The following PLOD1 variants were observed in gnomAD, a reference collection of about 807,000 sequenced individuals.
The protein encoded by PLOD1 is procollagen-lysine,2-oxoglutarate 5-dioxygenase 1, also known as lysine hydroxylase.
PLOD1 carries 70 observed loss-of-function variants against 94.7 expected under a neutral mutation model. That is an observed-to-expected ratio of 0.74 (90% confidence interval 0.61 to 0.90). The LOEUF (loss-of-function observed/expected upper bound fraction) is 0.90. Among genes scored for constraint, PLOD1 ranks in the 40% least tolerant of loss-of-function variants. The pLI, the probability that PLOD1 is intolerant of heterozygous loss-of-function variation, is 0.00. For synonymous variants in PLOD1, 417 were observed against 400.2 expected (o/e 1.04, Z -0.50); for missense variants, 905 against 972.7 (o/e 0.93, Z 0.93).
chr1:11,947,608 A>G (rs1329394763), intron 1 of PLOD1, among the ~76,000 whole-genome samples: 3 of 152,294 alleles, frequency 2.0e-5, no homozygotes, highest in African/African-American at 4.8e-5. Flanking sequence ...ATGAACTCAG[A>G]GCAAGAACTC....
chr1:11,958,458 G>A lies in PLOD1; in HGVS notation c.844-58G>A. The A allele has an allele frequency of 6.2e-7, 1 of 1,601,314 alleles. No homozygotes were observed. Among genetic ancestry groups the A allele is most frequent in the Non-Finnish European group, 8.5e-7 (1 of 1,173,246 alleles). ...GACTCCCTTGGGCCACCCTGGGGTG[G>A]AGTGGCAGTGCTGTGACTGGACACT... On this transcript the variant is annotated intron_variant, in intron 8 of 18. Coordinates refer to ENST00000196061, the MANE Select transcript of PLOD1 (RefSeq NM_000302.4). The surrounding 1 kb of genome is among the most constrained non-coding windows in gnomAD (Gnocchi z 4.3).
intron 1 of PLOD1, chr1:11,944,738 C>T (rs1645638643): frequency 1.8e-6 from 2 of 1,118,956 alleles, no homozygotes; most frequent in Non-Finnish European, 2.3e-6. Flanking sequence ...CTAATCCCTG[C>T]CAATCCCTGC....
chr1:11,944,543 T>G (rs1569674707), intron 1 of PLOD1: 1 of 1,349,908 alleles, frequency 7.4e-7, no homozygotes, highest in African/African-American at 1.5e-5. Flanking sequence ...CAAGAGGGCC[T>G]CAGAGCTGGT....
intron 9 of PLOD1, among the ~76,000 whole-genome samples, chr1:11,959,824 G>A (rs949498055): frequency 2.0e-5 from 3 of 151,404 alleles, no homozygotes; most frequent in African/African-American, 7.3e-5. Flanking sequence ...CACTATGTTG[G>A]CCAGGATGGT....
intron 1 of PLOD1, among the ~76,000 whole-genome samples, chr1:11,935,628 C>CTT (rs756545321): frequency 1.0e-3 from 142 of 140,464 alleles, no homozygotes; most frequent in African/African-American, 2.4e-3. Flanking sequence ...AAAAGCAATT[C>CTT]TTTTTTTTTT....
intron 9 of PLOD1, among the ~76,000 whole-genome samples, chr1:11,960,309 G>C (rs1036600641): frequency 6.6e-6 from 1 of 152,194 alleles, no homozygotes; most frequent in Non-Finnish European, 1.5e-5. Context: ...GGATCACCTG[G>C]CACATTTTGT....
At chr1:11,943,890 C>A (rs1041552931) in intron 1 of PLOD1, among the ~76,000 whole-genome samples, 7 of 152,154 alleles carry the variant, frequency 4.6e-5, no homozygotes, top group Non-Finnish European at 1.0e-4. Flanking sequence ...GCCAGCTGTA[C>A]CCTTGGTTTC....
In PLOD1 at chr1:11,972,870, A is replaced by G. The variant is rs1553137486; in HGVS notation, c.1903-2A>G. ...CTCTCTTGTCCCCCTGCCTTGGTACAGGCCCAGTTTGACCTGGCCTTTGTC... is the reference window on the plus strand; with the variant it reads ...CTCTCTTGTCCCCCTGCCTTGGTACGGGCCCAGTTTGACCTGGCCTTTGTC... On this transcript the variant is annotated splice_acceptor_variant, in intron 17 of 18. Coordinates refer to ENST00000196061, the MANE Select transcript of PLOD1 (RefSeq NM_000302.4). LOFTEE classifies it high-confidence loss of function. The surrounding 1 kb of genome is among the most constrained non-coding windows in gnomAD (Gnocchi z 4.6). 1 of 1,613,962 alleles carries G rather than the reference A, an allele frequency of 6.2e-7. No homozygotes were observed. The highest frequency in any genetic ancestry group is 8.5e-7 in the Non-Finnish European group (1 of 1,179,918).
intron 1 of PLOD1, chr1:11,944,560 G>C: frequency 3.0e-6 from 4 of 1,354,566 alleles, no homozygotes; most frequent in African/African-American, 1.5e-5. Context: ...TGGTGGCTCT[G>C]GTTCTCTTCA....
intron 6 of PLOD1, 88 bp from the exon 7 acceptor site, chr1:11,956,829 C>T (rs983796807): frequency 2.4e-6 from 2 of 833,038 alleles, no homozygotes; most frequent in African/African-American, 3.3e-5. Context: ...CTACTCACTG[C>T]ACAGCTGGGA....
Position 11,963,846 on chromosome 1 carries a change from C to T in PLOD1, c.1202+210C>T, listed in dbSNP as rs1051492357. On this transcript the variant is annotated intron_variant, in intron 11 of 18. Transcript: ENST00000196061. The surrounding 1 kb of genome is among the most constrained non-coding windows in gnomAD (Gnocchi z 4.3). ...CTTCCTCCTTTTTCCTCCTCCTCCTCGTCTTCCTCATCCTCTTTCTCCTCC... is the reference window on the plus strand; with the variant it reads ...CTTCCTCCTTTTTCCTCCTCCTCCTTGTCTTCCTCATCCTCTTTCTCCTCC... Among the ~76,000 whole-genome samples, 1 of 151,840 alleles carries T rather than the reference C, an allele frequency of 6.6e-6. No individual in the cohort carries two copies. Among genetic ancestry groups the T allele is most frequent in the African/African-American group, 2.4e-5 (1 of 41,298 alleles).
intron 6 of PLOD1, among the ~76,000 whole-genome samples, chr1:11,956,487 C>T (rs1175431163): frequency 6.6e-6 from 1 of 152,210 alleles, no homozygotes; most frequent in Non-Finnish European, 1.5e-5. Context: ...ATGCCCAGGC[C>T]TCCCCTGCAT....
In PLOD1 at chr1:11,950,035, T is replaced by G. The variant is rs541309155; in HGVS notation, c.302+129T>G. On this transcript the variant is annotated intron_variant, in intron 3 of 18. Coordinates refer to ENST00000196061, the MANE Select transcript of PLOD1 (RefSeq NM_000302.4). ...TAGCTAAGGTTGCCTAGTTTTAGGGTGTCCATTCCCGGTCTTAGTAAAGCC... is the reference window on the plus strand; with the variant it reads ...TAGCTAAGGTTGCCTAGTTTTAGGGGGTCCATTCCCGGTCTTAGTAAAGCC... 4 of 986,382 alleles carry G rather than the reference T, an allele frequency of 4.1e-6. No homozygotes were observed. In the African/African-American group the frequency reaches 6.4e-5, roughly 16 times the overall value. 61.1% of individuals were successfully genotyped at this position (986,382 alleles called of 1,614,324 possible).
intron 3 of PLOD1, 78 bp downstream of exon 3, chr1:11,949,984 A>G: frequency 1.4e-6 from 2 of 1,466,576 alleles, no homozygotes; most frequent in Non-Finnish European, 1.9e-6. Context: ...CCCTCCCAGA[A>G]CATCGGGGAA....
chr1:11,952,712 A>G lies in PLOD1; in HGVS notation c.556A>G (p.Ile186Val), dbSNP rs886045201. The change falls in exon 5 of 19, where the codon ATC (isoleucine) becomes GTC (valine). Residue 186 changes from isoleucine (I) to valine (V), a missense_variant. Ile to Val is a conservative substitution (Grantham distance 29). Coordinates refer to ENST00000196061, the MANE Select transcript of PLOD1 (RefSeq NM_000302.4). ...SDSDQLFYTK[I>V]FLDPEKREQI... ...CAGCGATCAGCTGTTTTACACCAAG[A>G]TCTTCTTGGACCCGGAGAAGAGGGT... 1.2e-6 allele frequency: 2 copies of G among 1,613,600 alleles called. No homozygotes were observed. The highest frequency in any genetic ancestry group is 1.7e-6 in the Non-Finnish European group (2 of 1,179,584).
intron 1 of PLOD1, among the ~76,000 whole-genome samples, chr1:11,940,311 C>A (rs112091640): frequency 6.6e-6 from 1 of 152,130 alleles, no homozygotes; most frequent in Admixed American, 6.5e-5. Context: ...GTGTGAGCCA[C>A]CCCACCCTCT....
chr1:11,936,486 T>C (rs761312369), intron 1 of PLOD1, among the ~76,000 whole-genome samples: 55 of 151,820 alleles, frequency 3.6e-4, no homozygotes, highest in Non-Finnish European at 7.2e-4. Context: ...CCGGGTTCTT[T>C]GGGTCAGGAA....
intron 1 of PLOD1, among the ~76,000 whole-genome samples, chr1:11,937,874 G>A (rs1455068232): frequency 6.6e-6 from 1 of 151,186 alleles, no homozygotes; most frequent in African/African-American, 2.4e-5. Context: ...GCCAGTCTGA[G>A]TTGGGCCCTT....
At position 11,972,147 on chromosome 1, in the gene PLOD1, C is replaced by T. The variant is rs1021777497; in HGVS notation, c.1903-725C>T. 1.3e-5 allele frequency: 2 copies of T among 152,756 alleles called. No individual in the cohort carries two copies. The highest frequency in any genetic ancestry group is 2.9e-5 in the Non-Finnish European group (2 of 68,280). The allele number at this position is 152,756 out of a possible 1,614,324, so 9.5% of individuals were successfully genotyped here. ...AGAAAGGGTTGTGAGGATTGGATGC[C>T]CCCCTTTGTCTTTGTCTTTTCATTC... On this transcript the variant is annotated intron_variant, in intron 17 of 18. Coordinates refer to ENST00000196061, the MANE Select transcript of PLOD1 (RefSeq NM_000302.4). The surrounding 1 kb of genome is among the most constrained non-coding windows in gnomAD (Gnocchi z 4.6).
Sources: gnomAD v4.1 joint callset for allele counts (sites outside exome capture counted in the v4.1 genomes callset) on GRCh38, gnomAD v4.1.1 for gene constraint, Gnocchi (gnomAD v3.1) non-coding constraint, MANE v1.5 for transcripts, NCBI Gene and HGNC (gene_info 2026-07-23, HGNC 2026-07-21) for gene names.